The following RALGPS1 variants were observed in gnomAD, a reference collection of about 807,000 sequenced individuals.
RALGPS1 encodes ras-specific guanine nucleotide-releasing factor RalGPS1.
RALGPS1 carries 19 observed loss-of-function variants against 78.8 expected under a neutral mutation model. That is an observed-to-expected ratio of 0.24 (90% confidence interval 0.17 to 0.35). The LOEUF is 0.35. Among genes scored for constraint, RALGPS1 ranks in the 10% least tolerant of loss-of-function variants. RALGPS1 has a pLI of 1.00. For synonymous variants in RALGPS1, 228 were observed against 256.3 expected (o/e 0.89, Z 1.06); for missense variants, 454 against 688.3 (o/e 0.66, Z 3.81).
chr9:126,961,419 G>A (rs1470446272), intron 1 of RALGPS1, among the ~76,000 whole-genome samples: 1 of 152,186 alleles, frequency 6.6e-6, no homozygotes, highest in African/African-American at 2.4e-5. Context: ...TATGGGGTTA[G>A]CTATTACCCA....
intron 8 of RALGPS1, among the ~76,000 whole-genome samples, chr9:127,142,751 T>G (rs1227172865): frequency 6.6e-6 from 1 of 152,238 alleles, no homozygotes; most frequent in Non-Finnish European, 1.5e-5. Context: ...CACTGTTCTT[T>G]GAGCTTGTTG....
chr9:127,078,084 C>T (rs546566529), intron 8 of RALGPS1, among the ~76,000 whole-genome samples: 262 of 152,240 alleles, frequency 1.7e-3, no homozygotes, highest in African/African-American at 5.2e-3. Context: ...GGCATTCAAC[C>T]CTCTCTGGGA....
intron 11 of RALGPS1, chr9:127,177,754 C>T: frequency 8.3e-6 from 12 of 1,454,436 alleles, no homozygotes; most frequent in Non-Finnish European, 1.1e-5. Flanking sequence ...AAAGGAGGCA[C>T]TGCATTTCCT....
At chr9:127,158,269 CGATTAAAAGTAATG>C (rs2058815396) in intron 8 of RALGPS1, among the ~76,000 whole-genome samples, 1 of 151,694 alleles carries the variant, frequency 6.6e-6, no homozygotes, top group Admixed American at 6.6e-5. Flanking sequence ...GCAGTTTCTG[CGATTAAAAGTAATG>C]GCAATTACTT....
intron 8 of RALGPS1, among the ~76,000 whole-genome samples, chr9:127,126,928 T>G (rs542191725): frequency 6.6e-6 from 1 of 152,252 alleles, no homozygotes; most frequent in Non-Finnish European, 1.5e-5. Flanking sequence ...ATACTGGACA[T>G]TGTGGATGAT....
chr9:127,060,864 C>CA (rs1435285195), intron 7 of RALGPS1, among the ~76,000 whole-genome samples: 1 of 152,232 alleles, frequency 6.6e-6, no homozygotes, highest in Admixed American at 6.5e-5. Context: ...ACCATTCCGA[C>CA]ACCAGTTTTT....
intron 18 of RALGPS1, chr9:127,216,803 C>G (rs1278563485): frequency 2.8e-6 from 3 of 1,069,654 alleles, no homozygotes; most frequent in African/African-American, 3.3e-5. Flanking sequence ...GCATCCTGGC[C>G]TCCTCCATAC....
At chr9:127,126,736 C>T (rs2056641320) in intron 8 of RALGPS1, among the ~76,000 whole-genome samples, 1 of 152,206 alleles carries the variant, frequency 6.6e-6, no homozygotes, top group Non-Finnish European at 1.5e-5. Flanking sequence ...GATTCCATAT[C>T]CACTGATTCA....
chr9:127,008,173 G>A (rs972933963), intron 4 of RALGPS1, among the ~76,000 whole-genome samples: 5 of 151,930 alleles, frequency 3.3e-5, no homozygotes, highest in African/African-American at 4.8e-5. Context: ...GGGGTGGGGC[G>A]GGTATGTGCA....
intron 4 of RALGPS1, among the ~76,000 whole-genome samples, chr9:127,029,371 G>GT (rs1326007072): frequency 6.6e-6 from 1 of 152,172 alleles, no homozygotes; most frequent in Non-Finnish European, 1.5e-5. Flanking sequence ...GGTTAGGTGT[G>GT]TAATTGTCCC....
chr9:127,209,965 G>A (rs2062150341), intron 14 of RALGPS1, among the ~76,000 whole-genome samples: 1 of 152,248 alleles, frequency 6.6e-6, no homozygotes, highest in Non-Finnish European at 1.5e-5. Context: ...CAAGGGTGGG[G>A]AGAAGGTTGG....
chr9:127,133,459 C>T (rs911737004), intron 8 of RALGPS1, among the ~76,000 whole-genome samples: 6 of 152,224 alleles, frequency 3.9e-5, no homozygotes, highest in South Asian at 2.1e-4. Context: ...GTGGCGTCCC[C>T]GTCTGCAGAG....
rs1012852868 is a variant in RALGPS1 at position 127,130,069 on chromosome 9, G to A, written c.611-36000G>A. On this transcript the variant is annotated intron_variant, in intron 8 of 18. Transcript: ENST00000259351. ...ATAGGAAGCGAGTGAGGACACGTGT[G>A]TCACCAGCTCCCTCCCTGTTGGACC... Among the ~76,000 whole-genome samples, 5 of 152,280 alleles carry A rather than the reference G, an allele frequency of 3.3e-5. No homozygotes were observed. In the East Asian group the frequency reaches 9.6e-4, roughly 29 times the overall value.
chr9:127,163,297 A>AT lies in RALGPS1; in HGVS notation c.611-2763dup, dbSNP rs201208338. ...CGCTTCAGGGTGGTAACTGAGTTAC[A>AT]TTTTTTTTTAAATTGTGCACATGTA... On this transcript the variant is annotated intron_variant, in intron 8 of 18. Coordinates refer to ENST00000259351, the MANE Select transcript of RALGPS1 (RefSeq NM_014636.3). 7.8e-3 allele frequency among the ~76,000 whole-genome samples: 1,177 copies of AT among 151,630 alleles called. 13 individuals are homozygous for AT. Among genetic ancestry groups the AT allele is most frequent in the African/African-American group, 0.026 (1,088 of 41,344 alleles).
intron 1 of RALGPS1, among the ~76,000 whole-genome samples, chr9:126,958,142 A>AAAATATATATATATAT (rs113413659): frequency 6.5e-5 from 5 of 77,074 alleles, no homozygotes; most frequent in African/African-American, 4.1e-5. Context: ...AAAAAAAAAA[A>AAAATATATATATATAT]ATATATATAT....
chr9:126,963,769 G>A (rs761399888), intron 2 of RALGPS1, among the ~76,000 whole-genome samples: 3 of 152,188 alleles, frequency 2.0e-5, no homozygotes, highest in Non-Finnish European at 4.4e-5. Flanking sequence ...TGTGGGTGGG[G>A]ATTCAAAGCC....
intron 1 of RALGPS1, among the ~76,000 whole-genome samples, chr9:126,923,187 C>T (rs368082241): frequency 1.3e-5 from 2 of 152,320 alleles, no homozygotes; most frequent in African/African-American, 4.8e-5. Flanking sequence ...TATCTCAACC[C>T]TTTACAACAC....
chr9:127,128,866 T>C (rs181541052), intron 8 of RALGPS1, among the ~76,000 whole-genome samples: 11 of 152,348 alleles, frequency 7.2e-5, no homozygotes, highest in Admixed American at 5.2e-4. Flanking sequence ...TTGAGGACAC[T>C]GTGACTGTTA....
At chr9:126,984,604 A>C (rs1260900690) in intron 4 of RALGPS1, among the ~76,000 whole-genome samples, 1 of 152,144 alleles carries the variant, frequency 6.6e-6, no homozygotes, top group Non-Finnish European at 1.5e-5. Context: ...GAACTTGTGG[A>C]TATTTATTAT....
Sources: gnomAD v4.1 joint callset for allele counts (sites outside exome capture counted in the v4.1 genomes callset) on GRCh38, gnomAD v4.1.1 for gene constraint, MANE v1.5 for transcripts, NCBI Gene and HGNC (gene_info 2026-07-23, HGNC 2026-07-21) for gene names.